CEP89: variants seen among roughly 807,000 people sequenced by gnomAD.
CEP89 encodes centrosomal protein 89.
In CEP89, 95 loss-of-function variants were observed where a neutral mutation model predicts 97.6. The ratio of observed to expected loss-of-function variants is 0.97; its 90% CI spans 0.82 to 1.15. CEP89 has a LOEUF of 1.15. CEP89 is among the 50% of genes most tolerant of loss of function. The pLI is 0.00. For missense variants in CEP89, 869 were observed against 947.7 expected (o/e 0.92, Z 1.09); for synonymous variants, 354 against 349.1 (o/e 1.01, Z -0.16).
chr19:32,884,065 C>T (rs1969342865), intron 17 of CEP89, among the ~76,000 whole-genome samples: 1 of 152,028 alleles, frequency 6.6e-6, no homozygotes, highest in Non-Finnish European at 1.5e-5. Flanking sequence ...GCACTACAGC[C>T]TCGAACTCTC....
intron 14 of CEP89, among the ~76,000 whole-genome samples, chr19:32,907,793 G>A (rs750862281): frequency 1.3e-5 from 2 of 152,092 alleles, no homozygotes; most frequent in Non-Finnish European, 2.9e-5. Context: ...TGCCATGTTG[G>A]CCAGGCTGGT....
At chr19:32,926,893 C>A (rs200002539) in intron 10 of CEP89, 41 bp downstream of exon 10, 4 of 1,580,588 alleles carry the variant, frequency 2.5e-6, no homozygotes, top group South Asian at 1.1e-5. Flanking sequence ...TGCAAATATA[C>A]CCTGAAAATA....
Position 32,900,246 on chromosome 19 carries a change from A to ATTTTTTT in CEP89, c.1734-255_1734-249dup, listed in dbSNP as rs55730702. Among the ~76,000 whole-genome samples, 20 of 133,966 alleles carry ATTTTTTT rather than the reference A, an allele frequency of 1.5e-4. 1 individual carries two copies. The highest frequency in any genetic ancestry group is 2.4e-4 in the South Asian group (1 of 4,208). The allele number at this position is 133,966 out of a possible 152,430, so 87.9% of individuals were successfully genotyped here. A position where few individuals can be genotyped will look rare whatever the true frequency, so the allele number is the denominator to read the frequency against. Reference sequence around the variant, plus strand: ...CAAATGTCTAACAATGAATAGGTTCATTTTTTTTTTTTTTTTTGAGACACA... The same window carrying ATTTTTTT: ...CAAATGTCTAACAATGAATAGGTTCATTTTTTTTTTTTTTTTTTTTTTTTGAGACACA... On this transcript the variant is annotated intron_variant, in intron 15 of 18. Coordinates refer to ENST00000305768, the MANE Select transcript of CEP89 (RefSeq NM_032816.5).
chr19:32,882,004 T>G lies in CEP89; in HGVS notation c.1975A>C (p.Lys659Gln). The change falls in exon 18 of 19, where the codon AAG (lysine) becomes CAG (glutamine). Residue 659 changes from lysine to glutamine, a missense_variant. By Grantham distance (53) the Lys-to-Gln change is moderately conservative. Coordinates refer to ENST00000305768, the MANE Select transcript of CEP89 (RefSeq NM_032816.5). ...TCCCCCAGCTTCAGTGCTGCCTGCT[T>G]CTTGTAGCCCTGGTCGGGGGAAGGA... ...KLEEKVKGYK[K>Q]QAALKLGDIS... is the part of the protein sequence containing the mutation. 6.4e-7 allele frequency: 1 copy of G among 1,571,522 alleles called. No homozygotes were observed. The highest frequency in any genetic ancestry group is 8.6e-7 in the Non-Finnish European group (1 of 1,158,206).
At chr19:32,935,561 C>A (rs1042937337) in intron 7 of CEP89, among the ~76,000 whole-genome samples, 4 of 152,184 alleles carry the variant, frequency 2.6e-5, no homozygotes, top group Non-Finnish European at 5.9e-5. Flanking sequence ...GAAGTTGGAG[C>A]CCCAGCAATC....
At chr19:32,940,402 A>G (rs1970664412) in intron 5 of CEP89, among the ~76,000 whole-genome samples, 8 of 138,764 alleles carry the variant, frequency 5.8e-5, no homozygotes, top group African/African-American at 2.2e-4. Flanking sequence ...ACATCTTCCC[A>G]TGCCGGGCTC....
At chr19:32,907,193 C>T (rs996319080) in intron 14 of CEP89, among the ~76,000 whole-genome samples, 2 of 152,266 alleles carry the variant, frequency 1.3e-5, no homozygotes, top group South Asian at 4.1e-4. Context: ...GACCCCATCG[C>T]TGCAGAAATA....
intron 14 of CEP89, among the ~76,000 whole-genome samples, chr19:32,906,637 A>AG (rs1482947227): frequency 6.6e-6 from 1 of 151,528 alleles, no homozygotes; most frequent in African/African-American, 2.4e-5. Flanking sequence ...TCCCCTCCTC[A>AG]GGGGCCTCCC....
intron 12 of CEP89, among the ~76,000 whole-genome samples, chr19:32,920,332 G>A (rs908064086): frequency 4.0e-5 from 6 of 151,494 alleles, no homozygotes; most frequent in Admixed American, 1.3e-4. Context: ...CTCCCACCTC[G>A]GCCTCCCAAA....
intron 16 of CEP89, among the ~76,000 whole-genome samples, chr19:32,889,919 A>AC: frequency 6.6e-6 from 1 of 152,130 alleles, no homozygotes; most frequent in East Asian, 1.9e-4. Context: ...ACTTAATGCT[A>AC]CCACAGAGAG....
chr19:32,928,846 TCCTC>T (rs1321552228), intron 9 of CEP89, among the ~76,000 whole-genome samples: 6 of 152,134 alleles, frequency 3.9e-5, no homozygotes, highest in Non-Finnish European at 5.9e-5. Context: ...CTCAGGCCCT[TCCTC>T]CCTGCTCTGT....
At chr19:32,915,808 A>G (rs2145907731) in intron 13 of CEP89, among the ~76,000 whole-genome samples, 1 of 151,200 alleles carries the variant, frequency 6.6e-6, no homozygotes, top group South Asian at 2.1e-4. Flanking sequence ...AATCCCAGCT[A>G]TTCAGGAGGC....
At chr19:32,927,503 T>C (rs1403199977) in intron 9 of CEP89, among the ~76,000 whole-genome samples, 1 of 152,168 alleles carries the variant, frequency 6.6e-6, no homozygotes, top group Non-Finnish European at 1.5e-5. Context: ...ACCTAACCTA[T>C]ATGTTATCTT....
intron 16 of CEP89, among the ~76,000 whole-genome samples, chr19:32,892,427 C>A (rs952041909): frequency 1.3e-5 from 2 of 151,390 alleles, no homozygotes; most frequent in Non-Finnish European, 2.9e-5. Context: ...CCTTAGCCCC[C>A]AAAGTAGCTG....
chr19:32,899,730 G>C, intron 16 of CEP89, 127 bp downstream of exon 16: 1 of 863,976 alleles, frequency 1.2e-6, no homozygotes, highest in Non-Finnish European at 1.8e-6. Flanking sequence ...TTCCTAGGTG[G>C]AACCATCCAT....
chr19:32,964,575 T>C (rs932468649), intron 2 of CEP89, among the ~76,000 whole-genome samples: 1 of 152,210 alleles, frequency 6.6e-6, no homozygotes, highest in Non-Finnish European at 1.5e-5. Flanking sequence ...GGCATATTCA[T>C]ATAATGAAAT....
chr19:32,971,196 A>G (rs1971398136), intron 1 of CEP89: 1 of 273,456 alleles, frequency 3.7e-6, no homozygotes, highest in Non-Finnish European at 6.8e-6. Flanking sequence ...TGGCAGATGT[A>G]TGTAGTGGGT....
intron 14 of CEP89, among the ~76,000 whole-genome samples, chr19:32,907,950 CAA>C (rs150997004): frequency 0.16 from 24,796 of 152,140 alleles, 2,239 homozygotes; most frequent in Non-Finnish European, 0.21. Context: ...TTTAGATACA[CAA>C]ATACTTACCA....
rs1345050026 is a variant in CEP89, at chr19:32,946,097, A to G, written c.595+2169T>C. ...CTCCTTAGTAGGCAATCCTGTTGTT[A>G]TTATTATTATTATTTTTAGAGACAG... On this transcript the variant is annotated intron_variant, in intron 5 of 18. Coordinates refer to ENST00000305768, the MANE Select transcript of CEP89 (RefSeq NM_032816.5). Among the ~76,000 whole-genome samples, 5 of 151,940 alleles carry G rather than the reference A, an allele frequency of 3.3e-5. No individual in the cohort carries two copies. In the East Asian group the frequency reaches 7.7e-4, roughly 24 times the overall value.
Sources: gnomAD v4.1 joint callset for allele counts (sites outside exome capture counted in the v4.1 genomes callset) on GRCh38, gnomAD v4.1.1 for gene constraint, MANE v1.5 for transcripts, NCBI Gene and HGNC (gene_info 2026-07-23, HGNC 2026-07-21) for gene names.